PCNX2: variants seen among roughly 807,000 people sequenced by gnomAD.
The protein encoded by PCNX2 is pecanex-like protein 2.
Under a neutral mutation model 223.8 loss-of-function variants are expected in PCNX2, and 168 were observed. The observed-to-expected ratio is 0.75, with a 90% confidence interval of 0.66 to 0.85. The LOEUF (loss-of-function observed/expected upper bound fraction) is 0.85, where lower values mean the gene tolerates loss of function less well. PCNX2 is among the 40% of genes least tolerant of loss of function. PCNX2 has a pLI of 0.00. For missense variants in PCNX2, 2,507 were observed against 2,675.5 expected, an observed-to-expected ratio of 0.94 and a Z score of 1.39; for synonymous variants, 1,006 against 1,052.6, an observed-to-expected ratio of 0.96 and a Z score of 0.86.
chr1:233,006,519 T>C (rs12096595), intron 28 of PCNX2, among the ~76,000 whole-genome samples: 66,705 of 152,026 alleles, frequency 0.44, 16,215 homozygotes, highest in African/African-American at 0.65. Context: ...TCTACAGTGC[T>C]GCTGCTGAGA....
At chr1:233,012,028 G>T (rs929302706) in intron 28 of PCNX2, among the ~76,000 whole-genome samples, 3 of 152,118 alleles carry the variant, frequency 2.0e-5, no homozygotes, top group African/African-American at 7.2e-5. Flanking sequence ...GTTAGTGTCA[G>T]AAGTGAACTG....
At chr1:233,114,945 C>A (rs991749408) in intron 21 of PCNX2, among the ~76,000 whole-genome samples, 1 of 152,108 alleles carries the variant, frequency 6.6e-6, no homozygotes, top group Non-Finnish European at 1.5e-5. Context: ...CATCCCCTCA[C>A]GGCTCTGGTA....
intron 23 of PCNX2, among the ~76,000 whole-genome samples, chr1:233,083,850 T>C (rs904638256): frequency 6.6e-6 from 1 of 152,178 alleles, no homozygotes; most frequent in African/African-American, 2.4e-5. Flanking sequence ...ACACGATCTA[T>C]ATGATGTGTC....
chr1:233,230,459 C>G (rs1558370303), intron 9 of PCNX2, among the ~76,000 whole-genome samples: 2 of 152,146 alleles, frequency 1.3e-5, no homozygotes, highest in Non-Finnish European at 1.5e-5. Context: ...GTTTATGTCT[C>G]TGATTCATTA....
chr1:233,229,331 A>C (rs1054872921), intron 9 of PCNX2, among the ~76,000 whole-genome samples: 5 of 152,234 alleles, frequency 3.3e-5, no homozygotes, highest in African/African-American at 1.2e-4. Context: ...TGATAACAGT[A>C]AAGTTGAGAT....
chr1:233,111,439 T>G (rs914062736), intron 21 of PCNX2, among the ~76,000 whole-genome samples: 2 of 152,204 alleles, frequency 1.3e-5, no homozygotes, highest in Non-Finnish European at 2.9e-5. Context: ...GACAGAGTCT[T>G]GCTCTGTTGT....
chr1:233,086,898 A>G, intron 23 of PCNX2: 1 of 512,806 alleles, frequency 2.0e-6, no homozygotes, highest in Non-Finnish European at 2.5e-6. Flanking sequence ...GCTTTTGAGG[A>G]GAAGAGTGAC....
At chr1:233,036,809 G>A (rs762199604) in intron 25 of PCNX2, among the ~76,000 whole-genome samples, 18 of 152,134 alleles carry the variant, frequency 1.2e-4, no homozygotes, top group Admixed American at 6.5e-5. Context: ...TCTAAGAAAT[G>A]AGCCCCTAGA....
intron 21 of PCNX2, among the ~76,000 whole-genome samples, chr1:233,127,256 C>G (rs1676156991): frequency 6.6e-6 from 1 of 152,166 alleles, no homozygotes; most frequent in East Asian, 1.9e-4. Context: ...ATAGACATCT[C>G]CAGGTTCATC....
chr1:233,057,184 A>G (rs894937249), intron 24 of PCNX2, 48 bp downstream of exon 24: 36 of 1,429,054 alleles, frequency 2.5e-5, no homozygotes, highest in Non-Finnish European at 3.2e-5. Context: ...TTGAGAATCC[A>G]TCCATACAAC....
At chr1:233,170,690 T>A (rs1351912836) in intron 17 of PCNX2, among the ~76,000 whole-genome samples, 1 of 152,360 alleles carries the variant, frequency 6.6e-6, no homozygotes, top group East Asian at 1.9e-4. Flanking sequence ...TCAGGTTTTA[T>A]TTTCTCATAT....
At chr1:233,147,216 C>G (rs1251150711) in intron 19 of PCNX2, among the ~76,000 whole-genome samples, 2 of 152,024 alleles carry the variant, frequency 1.3e-5, no homozygotes, top group Non-Finnish European at 2.9e-5. Flanking sequence ...GTTGACTCCC[C>G]CAAAACTTAA....
intron 32 of PCNX2, among the ~76,000 whole-genome samples, chr1:232,986,780 G>T (rs149841718): frequency 2.2e-3 from 330 of 152,290 alleles, no homozygotes; most frequent in African/African-American, 7.8e-3. Context: ...GCTGGGGTTG[G>T]GGGTACAGTG....
chr1:233,247,897 T>G (rs1037307626), intron 8 of PCNX2, among the ~76,000 whole-genome samples: 13 of 116,040 alleles, frequency 1.1e-4, no homozygotes, highest in African/African-American at 4.7e-4. Flanking sequence ...AAAAAAAAAG[T>G]GCTGAGATTG....
rs749270771 is a variant in PCNX2 at position 233,261,257 on chromosome 1, GATAAA to G, written c.517+23_517+27del. On this transcript the variant is annotated intron_variant, in intron 4 of 33. Transcript: ENST00000258229. Reference sequence around the variant, plus strand: ...CTCACTTCACTGAGGATAGTGCTGTGATAAAATATAAATGATTAACAGTTTACCTT... The same window carrying G: ...CTCACTTCACTGAGGATAGTGCTGTGATATAAATGATTAACAGTTTACCTT... The G allele has an allele frequency of 3.8e-6, 6 of 1,579,348 alleles. No individual in the cohort carries two copies. The African/African-American group carries it at 8.1e-5, about 21-fold the overall frequency.
chr1:233,296,039 T>G (rs1662104147), upstream of PCNX2, among the ~76,000 whole-genome samples: 1 of 146,262 alleles, frequency 6.8e-6, no homozygotes, highest in Admixed American at 6.8e-5. Flanking sequence ...CCCTTCCCCT[T>G]CTCTCTGATC....
At chr1:233,051,777 C>T (rs545168970) in intron 25 of PCNX2, among the ~76,000 whole-genome samples, 1 of 152,206 alleles carries the variant, frequency 6.6e-6, no homozygotes, top group African/African-American at 2.4e-5. Flanking sequence ...ACCAATCATA[C>T]CTCATATCTC....
intron 25 of PCNX2, among the ~76,000 whole-genome samples, chr1:233,051,066 T>A (rs968249743): frequency 1.4e-4 from 22 of 151,802 alleles, no homozygotes; most frequent in African/African-American, 4.8e-4. Context: ...AACTAACACA[T>A]GAAAAAAATG....
At position 233,252,704 on chromosome 1, in the gene PCNX2, A is replaced by G. The variant is rs909186896; in HGVS notation, c.1919T>C (p.Leu640Ser). 3.7e-6 allele frequency: 6 copies of G among 1,613,802 alleles called. No individual in the cohort carries two copies. Among genetic ancestry groups the G allele is most frequent in the Admixed American group, 3.3e-5 (2 of 59,978 alleles). ...GGTGCTAGTATGGTCTTGACTTTGCAAATCTGGTTTTCCTTGCTTAGAACT... is the reference window on the plus strand; with the variant it reads ...GGTGCTAGTATGGTCTTGACTTTGCGAATCTGGTTTTCCTTGCTTAGAACT... ...GHSSKQGKPD[L>S]QSQDHTSTGP... The change falls in exon 6 of 34, where the codon TTG becomes TCG. Residue 640 changes from leucine (L) to serine (S), a missense_variant. Coordinates refer to ENST00000258229, the MANE Select transcript of PCNX2 (RefSeq NM_014801.4).
Sources: gnomAD v4.1 joint callset for allele counts (sites outside exome capture counted in the v4.1 genomes callset) on GRCh38, gnomAD v4.1.1 for gene constraint, MANE v1.5 for transcripts, NCBI Gene and HGNC (gene_info 2026-07-23, HGNC 2026-07-21) for gene names.